Variants in TRERF1 observed in about 807,000 individuals in gnomAD.
TRERF1 encodes transcriptional regulating factor 1, also known as transcriptional-regulating factor 1.
In TRERF1, 27 loss-of-function variants were observed where a neutral mutation model predicts 122.9. The ratio of observed to expected loss-of-function variants is 0.22; its 90% CI spans 0.16 to 0.30. The LOEUF (loss-of-function observed/expected upper bound fraction) is 0.30, where lower values mean the gene tolerates loss of function less well. Among genes scored for constraint, TRERF1 ranks in the 10% least tolerant of loss-of-function variants. The pLI, the probability that TRERF1 is intolerant of heterozygous loss-of-function variation, is 1.00. For missense variants in TRERF1, 1,248 were observed against 1,560.3 expected (o/e 0.80, Z 3.37); for synonymous variants, 636 against 641.7 (o/e 0.99, Z 0.13).
At chr6:42,342,125 T>C (rs531563763) in intron 3 of TRERF1, among the ~76,000 whole-genome samples, 18 of 152,390 alleles carry the variant, frequency 1.2e-4, no homozygotes, top group South Asian at 6.2e-4. Context: ...CAGAGGCCCA[T>C]GCCAGTGCTC....
chr6:42,266,845 T>C (rs555658342), intron 5 of TRERF1, among the ~76,000 whole-genome samples: 1 of 152,200 alleles, frequency 6.6e-6, no homozygotes, highest in African/African-American at 2.4e-5. Flanking sequence ...GACTGTTTTT[T>C]AAAAACCCTT....
At chr6:42,335,175 C>A (rs1028310611) in intron 3 of TRERF1, among the ~76,000 whole-genome samples, 3 of 152,194 alleles carry the variant, frequency 2.0e-5, no homozygotes, top group Admixed American at 6.5e-5. Flanking sequence ...GGGATACCAG[C>A]AAGCCAGAAC....
chr6:42,369,080 T>G (rs1262156997), intron 2 of TRERF1, among the ~76,000 whole-genome samples: 1 of 152,180 alleles, frequency 6.6e-6, no homozygotes, highest in Non-Finnish European at 1.5e-5. Flanking sequence ...TTTCCTTTTA[T>G]AAGTTTCCCA....
chr6:42,324,841 G>A (rs1416040838), intron 3 of TRERF1, among the ~76,000 whole-genome samples: 1 of 152,120 alleles, frequency 6.6e-6, no homozygotes. Context: ...CGTCAGCCTT[G>A]GAAAAGAATT....
At chr6:42,235,838 C>T (rs1483283485) in intron 16 of TRERF1, among the ~76,000 whole-genome samples, 2 of 152,188 alleles carry the variant, frequency 1.3e-5, no homozygotes, top group Non-Finnish European at 2.9e-5. Flanking sequence ...TCTCCTAGTA[C>T]ATTTAAATGC....
chr6:42,450,098 C>T (rs1788197845), intron 2 of TRERF1, among the ~76,000 whole-genome samples: 1 of 152,222 alleles, frequency 6.6e-6, no homozygotes, highest in Non-Finnish European at 1.5e-5. Flanking sequence ...ACCAAGAAAA[C>T]AGAGGCAAGG....
At chr6:42,350,329 A>C (rs1769172253) in intron 3 of TRERF1, among the ~76,000 whole-genome samples, 1 of 152,200 alleles carries the variant, frequency 6.6e-6, no homozygotes, top group Non-Finnish European at 1.5e-5. Context: ...ACAGAGCTAA[A>C]ACTACATTTA....
intron 2 of TRERF1, among the ~76,000 whole-genome samples, chr6:42,420,636 A>T (rs1782628941): frequency 6.6e-6 from 1 of 152,252 alleles, no homozygotes; most frequent in Non-Finnish European, 1.5e-5. Context: ...AAATAAATGT[A>T]CATTTGTTAC....
intron 4 of TRERF1, among the ~76,000 whole-genome samples, chr6:42,281,768 T>C (rs1054666115): frequency 6.6e-6 from 1 of 152,186 alleles, no homozygotes; most frequent in Non-Finnish European, 1.5e-5. Flanking sequence ...TGGATTAAGA[T>C]GCTGCTACGC....
intron 2 of TRERF1, among the ~76,000 whole-genome samples, chr6:42,433,194 C>G (rs570219878): frequency 1.9e-4 from 29 of 152,094 alleles, no homozygotes; most frequent in Non-Finnish European, 3.4e-4. Context: ...AGAGGCAAAA[C>G]AGAAAGCAGT....
At chr6:42,439,751 T>A (rs1786147521) in intron 2 of TRERF1, among the ~76,000 whole-genome samples, 1 of 152,222 alleles carries the variant, frequency 6.6e-6, no homozygotes, top group Non-Finnish European at 1.5e-5. Flanking sequence ...CCTTCTGAAC[T>A]GTTAGAAATA....
rs1312675616 is a variant in TRERF1 at position 42,276,947 on chromosome 6, C to T, written c.-258-7099G>A. ...AAAATGGAGGGTTTGGATTTTGCTT[C>T]CTGCAGGTGGCTCCTCATTAGGAAA... On this transcript the variant is annotated intron_variant, in intron 4 of 17. Transcript: ENST00000372922. This position sits in a 1 kb window ranked among gnomAD's most constrained non-coding sequence, Gnocchi z 4.3. 1.3e-5 allele frequency among the ~76,000 whole-genome samples: 2 copies of T among 152,196 alleles called. No homozygotes were observed. Among genetic ancestry groups the T allele is most frequent in the Non-Finnish European group, 2.9e-5 (2 of 68,032 alleles).
Position 42,259,215 on chromosome 6 carries a change from G to C in TRERF1, c.2269+124C>G, listed in dbSNP as rs965215571. On this transcript the variant is annotated intron_variant, in intron 9 of 17. Transcript: ENST00000372922. The surrounding 1 kb of genome is among the most constrained non-coding windows in gnomAD (Gnocchi z 4.9). Reference sequence around the variant, plus strand: ...AGTCTTTCTTAACACCCAGCAGCGCGTGCTACATACAGCCAATACTCCGCA... The same window carrying C: ...AGTCTTTCTTAACACCCAGCAGCGCCTGCTACATACAGCCAATACTCCGCA... 6.9e-6 allele frequency: 9 copies of C among 1,296,428 alleles called. No individual in the cohort carries two copies. The highest frequency in any genetic ancestry group is 8.1e-6 in the Non-Finnish European group (8 of 985,582). The allele number at this position is 1,296,428 out of a possible 1,614,324, so 80.3% of individuals were successfully genotyped here.
rs1423307456 is a variant in TRERF1, at chr6:42,391,704, C to T, written c.-453-28625G>A. 3.3e-5 allele frequency among the ~76,000 whole-genome samples: 5 copies of T among 152,098 alleles called. No homozygotes were observed. The East Asian group carries it at 9.7e-4, about 29-fold the overall frequency. ...GGCCACCACAGAGCTCATTCTTCTGCCCCCACCTTCACCCTCAGCCTTCCC... is the reference window on the plus strand; with the variant it reads ...GGCCACCACAGAGCTCATTCTTCTGTCCCCACCTTCACCCTCAGCCTTCCC... On this transcript the variant is annotated intron_variant, in intron 2 of 17. Coordinates refer to ENST00000372922, the Ensembl canonical transcript of TRERF1.
intron 2 of TRERF1, among the ~76,000 whole-genome samples, chr6:42,436,622 G>C (rs922127892): frequency 1.3e-5 from 2 of 151,574 alleles, no homozygotes; most frequent in African/African-American, 4.8e-5. Flanking sequence ...CAGGCAGTCT[G>C]ACTGCAGTGC....
At chr6:42,280,051 G>A (rs1318442678) in intron 4 of TRERF1, among the ~76,000 whole-genome samples, 1 of 152,162 alleles carries the variant, frequency 6.6e-6, no homozygotes, top group African/African-American at 2.4e-5. Flanking sequence ...AAAAGCCTGT[G>A]TAGAAGCCCA....
At chr6:42,394,478 A>G (rs762524414) in intron 2 of TRERF1, among the ~76,000 whole-genome samples, 7 of 152,166 alleles carry the variant, frequency 4.6e-5, no homozygotes, top group Non-Finnish European at 1.5e-5. Context: ...CATTCATTCT[A>G]ATACCTAGTC....
At chr6:42,373,709 T>C (rs577435503) in intron 2 of TRERF1, among the ~76,000 whole-genome samples, 46 of 151,372 alleles carry the variant, frequency 3.0e-4, no homozygotes, top group African/African-American at 9.2e-4. Context: ...CACATGCCTG[T>C]AATCCCAGCT....
At chr6:42,264,576 T>C in intron 7 of TRERF1, 128 bp downstream of exon 7, 1 of 1,423,708 alleles carries the variant, frequency 7.0e-7, no homozygotes, top group South Asian at 1.4e-5. Flanking sequence ...AGCCTAAGCA[T>C]TCCTGTCAAG....
Sources: gnomAD v4.1 joint callset for allele counts (sites outside exome capture counted in the v4.1 genomes callset) on GRCh38, gnomAD v4.1.1 for gene constraint, Gnocchi (gnomAD v3.1) non-coding constraint, MANE v1.5 for transcripts, NCBI Gene and HGNC (gene_info 2026-07-23, HGNC 2026-07-21) for gene names.